Variants in PTPRJ observed in about 807,000 individuals in gnomAD.
PTPRJ encodes protein tyrosine phosphatase receptor type J.
PTPRJ carries 129 observed loss-of-function variants against 141.3 expected under a neutral mutation model. That is an observed-to-expected ratio of 0.91 (90% CI 0.79 to 1.06). The LOEUF is 1.06. PTPRJ is among the 50% of genes least tolerant of loss of function. PTPRJ has a pLI of 0.00. For missense variants in PTPRJ, 1,601 were observed against 1,679.7 expected (o/e 0.95, Z 0.82); for synonymous variants, 610 against 640.5 (o/e 0.95, Z 0.72).
In PTPRJ at chr11:48,168,743, G is replaced by GTTTTTTT. The variant is rs1857986383; in HGVS notation, c.*1382_*1383insTTTTTTT. 6.9e-6 allele frequency: 1 copy of GTTTTTTT among 144,128 alleles called. No homozygotes were observed. Among genetic ancestry groups the GTTTTTTT allele is most frequent in the African/African-American group, 2.5e-5 (1 of 39,330 alleles). 8.9% of individuals were successfully genotyped at this position (144,128 alleles called of 1,614,324 possible). On this transcript the variant is annotated 3_prime_UTR_variant, in exon 25 of 25. Transcript: ENST00000418331. ...ATTAATTTTTTTTTTTTTGCTTCAGGTGTGTATCCACCAAGAATTTCAAAT... is the reference window on the plus strand; with the variant it reads ...ATTAATTTTTTTTTTTTTGCTTCAGGTTTTTTTTGTGTATCCACCAAGAATTTCAAAT...
chr11:48,136,379 T>C, intron 9 of PTPRJ, 83 bp downstream of exon 9: 1 of 1,500,358 alleles, frequency 6.7e-7, no homozygotes. Flanking sequence ...ATGGCCAGTG[T>C]GCTTCTGGGA....
At chr11:48,009,375 C>T (rs143615946) in intron 1 of PTPRJ, among the ~76,000 whole-genome samples, 3 of 152,232 alleles carry the variant, frequency 2.0e-5, no homozygotes, top group Non-Finnish European at 2.9e-5. Flanking sequence ...GCAGGTGGGT[C>T]GTTGGAGGTC....
intron 1 of PTPRJ, among the ~76,000 whole-genome samples, chr11:48,025,969 T>A (rs1853798424): frequency 1.3e-5 from 2 of 152,088 alleles, no homozygotes; most frequent in Non-Finnish European, 2.9e-5. Flanking sequence ...GAAATCCCAC[T>A]CCCCACTCAT....
intron 1 of PTPRJ, among the ~76,000 whole-genome samples, chr11:47,999,391 G>A (rs758390730): frequency 6.1e-4 from 93 of 152,222 alleles, no homozygotes; most frequent in Non-Finnish European, 8.5e-4. Context: ...GCACCTTTGA[G>A]CAAGTATTTT....
chr11:48,143,095 G>A, intron 12 of PTPRJ, 45 bp downstream of exon 12: 3 of 1,608,396 alleles, frequency 1.9e-6, no homozygotes, highest in East Asian at 2.2e-5. Flanking sequence ...GAGTGATGCA[G>A]TGACCAGAGC....
chr11:48,150,248 A>G (rs1479012081), intron 18 of PTPRJ, 65 bp downstream of exon 18: 3 of 1,397,322 alleles, frequency 2.1e-6, no homozygotes, highest in Non-Finnish European at 3.0e-6. Context: ...ATCTGAGGGG[A>G]GTTGGTGGAT....
chr11:48,146,861 T>A lies in PTPRJ; in HGVS notation c.2912-15T>A. 1 of 1,612,230 alleles carries A rather than the reference T, an allele frequency of 6.2e-7. No homozygotes were observed. The highest frequency in any genetic ancestry group is 8.5e-7 in the Non-Finnish European group (1 of 1,178,298). On this transcript the variant is annotated splice_polypyrimidine_tract_variant and intron_variant, in intron 14 of 24. Coordinates refer to ENST00000418331, the MANE Select transcript of PTPRJ (RefSeq NM_002843.4). ...GAACACCTCTTGAAGTGTCTCCCAT[T>A]TGGACTTTTCTCAGGTGTCATCTGT...
intron 1 of PTPRJ, among the ~76,000 whole-genome samples, chr11:48,006,454 C>T (rs1278872962): frequency 6.6e-6 from 1 of 152,158 alleles, no homozygotes; most frequent in Admixed American, 6.5e-5. Context: ...ATGGACATCC[C>T]TGCCCATTCA....
intron 1 of PTPRJ, among the ~76,000 whole-genome samples, chr11:47,985,777 T>C (rs1469533322): frequency 6.6e-6 from 1 of 152,154 alleles, no homozygotes; most frequent in African/African-American, 2.4e-5. Flanking sequence ...CTCGGCTCAC[T>C]GCAACCTCCA....
intron 1 of PTPRJ, among the ~76,000 whole-genome samples, chr11:48,054,820 T>TC (rs1280970071): frequency 9.0e-4 from 136 of 151,220 alleles, no homozygotes; most frequent in African/African-American, 3.1e-3. Context: ...TTTCTTTCTT[T>TC]TTTTTTTTTT....
Position 48,167,518 on chromosome 11 carries a change from G to C in PTPRJ, c.*156G>C. 1.2e-6 allele frequency: 1 copy of C among 854,864 alleles called. No individual in the cohort carries two copies. The highest frequency in any genetic ancestry group is 1.7e-6 in the Non-Finnish European group (1 of 593,450). 53.0% of individuals were successfully genotyped at this position (854,864 alleles called of 1,614,324 possible). A position where few individuals can be genotyped will look rare whatever the true frequency, so the allele number is the denominator to read the frequency against. On this transcript the variant is annotated 3_prime_UTR_variant, in exon 25 of 25. Transcript: ENST00000418331. ...TGAGGGCATGAAGCTGCATATGATA[G>C]ATGACAAATTGGGGCTGTCGGGGGC...
At chr11:48,032,049 A>G (rs756652052) in intron 1 of PTPRJ, among the ~76,000 whole-genome samples, 1 of 152,182 alleles carries the variant, frequency 6.6e-6, no homozygotes, top group Non-Finnish European at 1.5e-5. Flanking sequence ...GGCAGTGTCC[A>G]GCCCAGTGCC....
chr11:48,031,575 T>G (rs1276928782), intron 1 of PTPRJ, among the ~76,000 whole-genome samples: 1 of 152,192 alleles, frequency 6.6e-6, no homozygotes, highest in Non-Finnish European at 1.5e-5. Flanking sequence ...CATCGCGGGA[T>G]GAAGCACTTG....
intron 11 of PTPRJ, 64 bp downstream of exon 11, chr11:48,139,840 A>G (rs111881692): frequency 1.3e-6 from 2 of 1,524,970 alleles, no homozygotes; most frequent in East Asian, 2.3e-5. Context: ...GCTGACCCAC[A>G]GTGGGTCTGC....
At chr11:48,020,388 A>G (rs189804500) in intron 1 of PTPRJ, among the ~76,000 whole-genome samples, 32 of 152,306 alleles carry the variant, frequency 2.1e-4, no homozygotes, top group Non-Finnish European at 3.8e-4. Flanking sequence ...GCGTTGGCAT[A>G]GGAGGCGTGA....
chr11:48,024,977 G>A (rs1853768223), intron 1 of PTPRJ, among the ~76,000 whole-genome samples: 1 of 152,356 alleles, frequency 6.6e-6, no homozygotes, highest in Admixed American at 6.5e-5. Context: ...TTCTAGGCTT[G>A]CTGCCTAATC....
At chr11:48,045,804 G>A (rs558898925) in intron 1 of PTPRJ, among the ~76,000 whole-genome samples, 11 of 152,314 alleles carry the variant, frequency 7.2e-5, no homozygotes, top group African/African-American at 2.6e-4. Flanking sequence ...CCAGTGGGGT[G>A]AGGGCCTGGC....
chr11:48,055,474 TC>T (rs757838871), intron 1 of PTPRJ, among the ~76,000 whole-genome samples: 4 of 152,176 alleles, frequency 2.6e-5, no homozygotes, highest in Non-Finnish European at 4.4e-5. Flanking sequence ...CCTCCTCACC[TC>T]CACCAGTGTG....
intron 18 of PTPRJ, among the ~76,000 whole-genome samples, chr11:48,150,763 A>G (rs911364593): frequency 6.6e-6 from 1 of 152,150 alleles, no homozygotes; most frequent in African/African-American, 2.4e-5. Flanking sequence ...CTGTGCTCCA[A>G]CCAGCCCAGG....
Sources: allele counts gnomAD v4.1 joint callset (sites outside exome capture counted in the v4.1 genomes callset), GRCh38; gene constraint gnomAD v4.1.1; transcripts MANE v1.5; gene names NCBI Gene and HGNC (gene_info 2026-07-23, HGNC 2026-07-21).